Variants in GLCE observed in about 807,000 individuals in gnomAD.
The protein encoded by GLCE is glucuronic acid epimerase, also known as D-glucuronyl C5-epimerase.
A neutral mutation model predicts 47.9 loss-of-function variants in GLCE; 19 were observed. That is an observed-to-expected ratio of 0.40 (90% CI 0.28 to 0.58). The LOEUF (loss-of-function observed/expected upper bound fraction) is 0.58. GLCE is among the 20% of genes least tolerant of loss of function. The probability of loss-of-function intolerance (pLI) is 0.48; values close to 1 mark genes in which losing one functional copy is unlikely to be tolerated. For missense variants in GLCE, 556 were observed against 743.3 expected (o/e 0.75, Z 2.93); for synonymous variants, 245 against 263.4 (o/e 0.93, Z 0.68).
In GLCE at chr15:69,269,343, G is replaced by A; in HGVS notation, c.*99G>A. 1 of 908,062 alleles carries A rather than the reference G, an allele frequency of 1.1e-6. No homozygotes were observed. Among genetic ancestry groups the A allele is most frequent in the Non-Finnish European group, 1.7e-6 (1 of 590,936 alleles). The allele number at this position is 908,062 out of a possible 1,614,324, so 56.3% of individuals were successfully genotyped here. ...GCACATTTTAAAAGGTTATGTACTA[G>A]GTTTTTGTGGATTCTATCAAAGTGA... On this transcript the variant is annotated 3_prime_UTR_variant, in exon 5 of 5. Transcript: ENST00000261858.
intron 2 of GLCE, among the ~76,000 whole-genome samples, chr15:69,254,449 A>G (rs1043158909): frequency 6.6e-6 from 1 of 152,202 alleles, no homozygotes; most frequent in Non-Finnish European, 1.5e-5. Flanking sequence ...TGTGTTAAGA[A>G]TAGACTTGAG....
intron 2 of GLCE, among the ~76,000 whole-genome samples, chr15:69,213,471 T>C (rs1230990409): frequency 6.6e-6 from 1 of 152,124 alleles, no homozygotes; most frequent in Non-Finnish European, 1.5e-5. Context: ...CATAACTAGA[T>C]TGAAGTTACA....
At chr15:69,226,333 T>C (rs1002166836) in intron 2 of GLCE, among the ~76,000 whole-genome samples, 2 of 152,174 alleles carry the variant, frequency 1.3e-5, no homozygotes, top group Non-Finnish European at 2.9e-5. Flanking sequence ...TCTGAGTACT[T>C]TATTAAGTTA....
intron 1 of GLCE, among the ~76,000 whole-genome samples, chr15:69,198,709 G>A (rs1255357244): frequency 6.6e-6 from 1 of 152,082 alleles, no homozygotes; most frequent in Non-Finnish European, 1.5e-5. Context: ...TCCCATCACT[G>A]TTGCCATATT....
intron 1 of GLCE, among the ~76,000 whole-genome samples, chr15:69,207,669 C>T (rs536702789): frequency 6.6e-5 from 10 of 152,102 alleles, no homozygotes; most frequent in African/African-American, 2.4e-4. Flanking sequence ...TTGGTTGCTT[C>T]CAGGTTTTGG....
At chr15:69,244,510 A>T (rs963960878) in intron 2 of GLCE, among the ~76,000 whole-genome samples, 32 of 152,310 alleles carry the variant, frequency 2.1e-4, no homozygotes, top group African/African-American at 7.5e-4. Flanking sequence ...ACCTGTTATA[A>T]GTTAAAATCT....
At chr15:69,197,728 C>T (rs1467277704) in intron 1 of GLCE, among the ~76,000 whole-genome samples, 1 of 152,070 alleles carries the variant, frequency 6.6e-6, no homozygotes, top group Non-Finnish European at 1.5e-5. Flanking sequence ...GATATGGATT[C>T]AGGAGAAAAT....
intron 2 of GLCE, among the ~76,000 whole-genome samples, chr15:69,251,907 A>G (rs1048282454): frequency 1.1e-4 from 17 of 152,180 alleles, no homozygotes; most frequent in African/African-American, 3.9e-4. Flanking sequence ...TGAACTTCCA[A>G]TATATCTGTC....
chr15:69,184,073 T>G (rs1036107550), intron 1 of GLCE, among the ~76,000 whole-genome samples: 1 of 152,254 alleles, frequency 6.6e-6, no homozygotes, highest in Non-Finnish European at 1.5e-5. Flanking sequence ...TATTCCAGTT[T>G]GATGTCTTCG....
intron 1 of GLCE, among the ~76,000 whole-genome samples, chr15:69,193,778 T>G (rs545434107): frequency 1.3e-5 from 2 of 152,164 alleles, no homozygotes; most frequent in South Asian, 4.2e-4. Context: ...CCTTGTTTGC[T>G]TCAGTCTAGT....
chr15:69,253,687 T>C (rs1658449670), intron 2 of GLCE, among the ~76,000 whole-genome samples: 1 of 152,218 alleles, frequency 6.6e-6, no homozygotes, highest in Non-Finnish European at 1.5e-5. Context: ...CACAAGTTTT[T>C]AGATTGAAAG....
intron 2 of GLCE, among the ~76,000 whole-genome samples, chr15:69,237,065 G>A (rs1342059554): frequency 6.6e-6 from 1 of 152,116 alleles, no homozygotes; most frequent in Non-Finnish European, 1.5e-5. Context: ...AGATTATGCA[G>A]TGTCTGAAGG....
chr15:69,268,084 C>A (rs754874592), intron 4 of GLCE, 136 bp from the exon 5 acceptor site: 27 of 584,332 alleles, frequency 4.6e-5, no homozygotes, highest in Non-Finnish European at 7.5e-5. Context: ...AATAAAATTA[C>A]AAATGATCTG....
chr15:69,228,218 T>G (rs911211723), intron 2 of GLCE, among the ~76,000 whole-genome samples: 3 of 152,208 alleles, frequency 2.0e-5, no homozygotes, highest in Non-Finnish European at 4.4e-5. Flanking sequence ...AAAACCAGTA[T>G]GTATGGATTG....
intron 2 of GLCE, among the ~76,000 whole-genome samples, chr15:69,248,231 T>C (rs1410145958): frequency 1.3e-5 from 2 of 152,240 alleles, no homozygotes; most frequent in Non-Finnish European, 2.9e-5. Context: ...GCAGTTCTCC[T>C]TTGAGTTACA....
chr15:69,241,954 G>C (rs568957629), intron 2 of GLCE, among the ~76,000 whole-genome samples: 1 of 152,308 alleles, frequency 6.6e-6, no homozygotes, highest in Admixed American at 6.5e-5. Context: ...TCACTGGTCT[G>C]ATAAAGCTTA....
chr15:69,248,280 A>C (rs1462890855), intron 2 of GLCE, among the ~76,000 whole-genome samples: 1 of 152,236 alleles, frequency 6.6e-6, no homozygotes, highest in Non-Finnish European at 1.5e-5. Flanking sequence ...TGTATAATTT[A>C]AATCTTGGTC....
chr15:69,208,677 T>G (rs539958658), intron 1 of GLCE, among the ~76,000 whole-genome samples: 2 of 152,176 alleles, frequency 1.3e-5, no homozygotes, highest in East Asian at 3.9e-4. Context: ...GAATTTTGAT[T>G]GGAGTTGCAT....
chr15:69,238,579 A>G (rs1318057191), intron 2 of GLCE, among the ~76,000 whole-genome samples: 1 of 152,162 alleles, frequency 6.6e-6, no homozygotes, highest in African/African-American at 2.4e-5. Flanking sequence ...ATTGAAATGA[A>G]TATTTTTTTA....
Sources: allele counts gnomAD v4.1 joint callset (sites outside exome capture counted in the v4.1 genomes callset), GRCh38; gene constraint gnomAD v4.1.1; transcripts MANE v1.5; gene names NCBI Gene and HGNC (gene_info 2026-07-23, HGNC 2026-07-21).